GPC6: variants seen among roughly 807,000 people sequenced by gnomAD.
The protein encoded by GPC6 is glypican-6.
In GPC6, 14 loss-of-function variants were observed where a neutral mutation model predicts 55.2. That is an observed-to-expected ratio of 0.25 (90% CI 0.17 to 0.40). The LOEUF (loss-of-function observed/expected upper bound fraction) is 0.40. Ranked by LOEUF, GPC6 falls within the 10% of genes least tolerant of loss-of-function variation. The probability of loss-of-function intolerance (pLI) is 1.00; values close to 1 mark genes in which losing one functional copy is unlikely to be tolerated. For synonymous variants in GPC6, 278 were observed against 259.6 expected (o/e 1.07, Z -0.68); for missense variants, 641 against 708.5 (o/e 0.90, Z 1.08).
At chr13:93,375,337 T>C (rs976015094) in intron 1 of GPC6, among the ~76,000 whole-genome samples, 14 of 152,242 alleles carry the variant, frequency 9.2e-5, no homozygotes, top group Admixed American at 2.0e-4. Flanking sequence ...TCCATCAGCA[T>C]TGAGGACTGC....
At chr13:93,330,707 G>A (rs570125558) in intron 1 of GPC6, among the ~76,000 whole-genome samples, 1 of 152,146 alleles carries the variant, frequency 6.6e-6, no homozygotes, top group East Asian at 1.9e-4. Context: ...CGATTCTATT[G>A]CCTTCCACTT....
At chr13:93,468,410 T>C (rs892305571) in intron 1 of GPC6, among the ~76,000 whole-genome samples, 1 of 151,018 alleles carries the variant, frequency 6.6e-6, no homozygotes, top group African/African-American at 2.4e-5. Context: ...CCAAATTCAT[T>C]GTGTAAAGCA....
At chr13:93,947,819 T>C (rs1429514224) in intron 3 of GPC6, among the ~76,000 whole-genome samples, 1 of 152,134 alleles carries the variant, frequency 6.6e-6, no homozygotes. Context: ...CTTGATAAAT[T>C]CTTTTGAGAA....
At chr13:94,040,077 G>C (rs1883477349) in intron 4 of GPC6, among the ~76,000 whole-genome samples, 1 of 151,804 alleles carries the variant, frequency 6.6e-6, no homozygotes. Context: ...GTCAGTTCAA[G>C]AGGAAATTGA....
At chr13:93,551,226 A>G (rs1180991361) in intron 2 of GPC6, among the ~76,000 whole-genome samples, 3 of 152,028 alleles carry the variant, frequency 2.0e-5, no homozygotes, top group East Asian at 1.9e-4. Context: ...ATGTTAATGT[A>G]TTGACATTTA....
intron 4 of GPC6, among the ~76,000 whole-genome samples, chr13:94,272,654 G>A (rs1410439034): frequency 1.3e-5 from 2 of 151,610 alleles, no homozygotes; most frequent in African/African-American, 4.8e-5. Flanking sequence ...ATTTTTGGTA[G>A]AGACAGGGTT....
intron 4 of GPC6, among the ~76,000 whole-genome samples, chr13:94,127,285 G>A (rs1052024882): frequency 6.6e-6 from 1 of 152,126 alleles, no homozygotes; most frequent in African/African-American, 2.4e-5. Context: ...GGTGGGGCTT[G>A]TTGGGAGGTG....
At chr13:94,315,447 T>A (rs895715711) in intron 6 of GPC6, among the ~76,000 whole-genome samples, 2 of 152,234 alleles carry the variant, frequency 1.3e-5, no homozygotes, top group Non-Finnish European at 2.9e-5. Flanking sequence ...GAGGTTCACC[T>A]GTCACAATGG....
intron 4 of GPC6, among the ~76,000 whole-genome samples, chr13:94,224,770 G>T (rs780409082): frequency 5.3e-5 from 8 of 152,074 alleles, no homozygotes; most frequent in Admixed American, 6.6e-5. Flanking sequence ...TAGTCCTCCA[G>T]AAAGTCACCA....
At chr13:93,494,518 T>C (rs1215906943) in intron 1 of GPC6, among the ~76,000 whole-genome samples, 1 of 152,200 alleles carries the variant, frequency 6.6e-6, no homozygotes, top group Non-Finnish European at 1.5e-5. Context: ...ATTTAGTCCA[T>C]TTACATTTAA....
chr13:93,996,272 T>A (rs1881551035), intron 3 of GPC6, among the ~76,000 whole-genome samples: 1 of 152,228 alleles, frequency 6.6e-6, no homozygotes, highest in Non-Finnish European at 1.5e-5. Flanking sequence ...GAAAACACGC[T>A]AAGGCTGAAT....
intron 3 of GPC6, among the ~76,000 whole-genome samples, chr13:93,898,968 C>T (rs1005731845): frequency 2.5e-4 from 28 of 111,630 alleles, no homozygotes; most frequent in African/African-American, 5.9e-4. Context: ...TATATATATA[C>T]ACACACATAT....
At chr13:93,635,203 G>C (rs554576430) in intron 2 of GPC6, among the ~76,000 whole-genome samples, 21 of 151,334 alleles carry the variant, frequency 1.4e-4, no homozygotes, top group South Asian at 8.3e-4. Context: ...ATACAAAACT[G>C]GAAGCCATTT....
intron 3 of GPC6, among the ~76,000 whole-genome samples, chr13:93,878,541 G>A (rs887245992): frequency 3.3e-5 from 5 of 152,020 alleles, no homozygotes; most frequent in African/African-American, 1.2e-4. Context: ...ACCACACCTG[G>A]CTAATTTTGT....
intron 6 of GPC6, among the ~76,000 whole-genome samples, chr13:94,372,366 C>G (rs1278378911): frequency 6.6e-6 from 1 of 151,858 alleles, no homozygotes; most frequent in South Asian, 2.1e-4. Context: ...GCACCGTGCG[C>G]GAGCCGAAGC....
intron 1 of GPC6, among the ~76,000 whole-genome samples, chr13:93,322,466 C>T (rs1231656249): frequency 2.3e-5 from 2 of 85,112 alleles, no homozygotes; most frequent in African/African-American, 4.8e-5. Context: ...GATGGAGTTT[C>T]GCTCTTGTTG....
At chr13:94,023,369 A>T (rs1387606867) in intron 3 of GPC6, among the ~76,000 whole-genome samples, 1 of 151,778 alleles carries the variant, frequency 6.6e-6, no homozygotes, top group Non-Finnish European at 1.5e-5. Context: ...GATCATTGAC[A>T]TCTACTCAAC....
chr13:93,537,969 A>C (rs902437435), intron 1 of GPC6, among the ~76,000 whole-genome samples: 3 of 152,194 alleles, frequency 2.0e-5, no homozygotes, highest in African/African-American at 4.8e-5. Context: ...TAATACAAAA[A>C]ATTTTCAAAA....
At chr13:94,178,105 G>T (rs1031257744) in intron 4 of GPC6, among the ~76,000 whole-genome samples, 5 of 146,204 alleles carry the variant, frequency 3.4e-5, no homozygotes, top group Admixed American at 6.9e-5. Flanking sequence ...TGCAACCTCC[G>T]CCTCCTGGGT....
Sources: allele counts gnomAD v4.1 joint callset (sites outside exome capture counted in the v4.1 genomes callset), GRCh38; gene constraint gnomAD v4.1.1; transcripts MANE v1.5; gene names NCBI Gene and HGNC (gene_info 2026-07-23, HGNC 2026-07-21).